INPP5A: variants seen among roughly 807,000 people sequenced by gnomAD.
The protein encoded by INPP5A is inositol polyphosphate-5-phosphatase A.
Under a neutral mutation model 65.2 loss-of-function variants are expected in INPP5A, and 14 were observed. The observed-to-expected ratio is 0.21, with a 90% confidence interval of 0.14 to 0.34. INPP5A has a LOEUF of 0.34. INPP5A is among the 10% of genes least tolerant of loss of function. The probability of loss-of-function intolerance (pLI) is 1.00; values close to 1 mark genes in which losing one functional copy is unlikely to be tolerated. For synonymous variants in INPP5A, 207 were observed against 208.3 expected (o/e 0.99, Z 0.05); for missense variants, 431 against 545.6 (o/e 0.79, Z 2.09).
At chr10:132,691,457 G>A (rs909803899) in intron 5 of INPP5A, among the ~76,000 whole-genome samples, 1 of 152,260 alleles carries the variant, frequency 6.6e-6, no homozygotes, top group Non-Finnish European at 1.5e-5. Flanking sequence ...TGGAGAGAGC[G>A]CGCCGACGCA....
intron 8 of INPP5A, among the ~76,000 whole-genome samples, chr10:132,722,904 GT>G (rs983673638): frequency 1.3e-5 from 2 of 151,310 alleles, no homozygotes; most frequent in Admixed American, 6.6e-5. Flanking sequence ...TAGAACAACT[GT>G]TTTTTTTTCT....
intron 8 of INPP5A, among the ~76,000 whole-genome samples, chr10:132,721,163 C>T (rs575906938): frequency 8.2e-4 from 122 of 149,274 alleles, no homozygotes; most frequent in African/African-American, 2.8e-3. Context: ...GCGCCATAGA[C>T]GGCTGTCTTC....
At chr10:132,770,360 G>A (rs566902596) in intron 12 of INPP5A, among the ~76,000 whole-genome samples, 53 of 152,374 alleles carry the variant, frequency 3.5e-4, no homozygotes, top group Non-Finnish European at 5.0e-4. Context: ...GTTTCCTCGC[G>A]GAGGCCGTGG....
chr10:132,757,954 C>T (rs75052143), intron 11 of INPP5A, among the ~76,000 whole-genome samples: 1 of 145,940 alleles, frequency 6.9e-6, no homozygotes, highest in Admixed American at 6.8e-5. Context: ...AGCACCATGG[C>T]GTGGGTGCCC....
intron 4 of INPP5A, among the ~76,000 whole-genome samples, chr10:132,655,966 T>A (rs547152614): frequency 7.2e-5 from 11 of 152,344 alleles, no homozygotes; most frequent in Admixed American, 7.2e-4. Flanking sequence ...ATGGGTCCCA[T>A]GCAGACTGGT....
At chr10:132,613,784 A>G (rs1388309420) in intron 2 of INPP5A, among the ~76,000 whole-genome samples, 1 of 152,216 alleles carries the variant, frequency 6.6e-6, no homozygotes, top group African/African-American at 2.4e-5. Context: ...TGGATCAGAC[A>G]CCTGGTGGTC....
chr10:132,729,088 G>A (rs1295166906), intron 9 of INPP5A, among the ~76,000 whole-genome samples: 1 of 151,666 alleles, frequency 6.6e-6, no homozygotes, highest in African/African-American at 2.4e-5. Flanking sequence ...GGCGTGGGGG[G>A]CCTGGACGCT....
chr10:132,738,698 G>A (rs111879526), intron 9 of INPP5A, among the ~76,000 whole-genome samples: 7 of 152,238 alleles, frequency 4.6e-5, no homozygotes, highest in Non-Finnish European at 7.3e-5. Context: ...GCTGGAGTCC[G>A]GGAGCAACCT....
intron 2 of INPP5A, among the ~76,000 whole-genome samples, chr10:132,638,338 C>T (rs945389288): frequency 2.0e-5 from 3 of 152,168 alleles, no homozygotes; most frequent in African/African-American, 7.2e-5. Flanking sequence ...GGATGCTCTT[C>T]CAGAATCTTC....
At position 132,696,415 on chromosome 10, in the gene INPP5A, C is replaced by T. The variant is rs546289544; in HGVS notation, c.371-1401C>T. 2.1e-4 allele frequency among the ~76,000 whole-genome samples: 32 copies of T among 152,320 alleles called. No individual in the cohort carries two copies. The East Asian group carries it at 6.2e-3, about 29-fold the overall frequency. ...GAGCCTGCACTTCCTGACTTCAAGA[C>T]TTGCTGTTCTGCCTTGTGGGTGAAT... is the stretch of plus-strand genomic sequence containing the variant. On this transcript the variant is annotated intron_variant, in intron 5 of 15. Transcript: ENST00000368594.
At chr10:132,778,310 T>A (rs1447538661) in intron 13 of INPP5A, among the ~76,000 whole-genome samples, 1 of 137,716 alleles carries the variant, frequency 7.3e-6, no homozygotes, top group Non-Finnish European at 1.6e-5. Context: ...TAATTTTTTT[T>A]TTTTTTTTTT....
chr10:132,749,735 G>A lies in INPP5A; in HGVS notation c.829-36G>A, dbSNP rs766528692. ...CTAGGGGACACGCACAAGGCTGGGG[G>A]AGCTCAGGTGCTCATGGGCCACTCT... On this transcript the variant is annotated intron_variant, in intron 10 of 15. Coordinates refer to ENST00000368594, the MANE Select transcript of INPP5A (RefSeq NM_005539.5). 43 of 1,605,210 alleles carry A rather than the reference G, an allele frequency of 2.7e-5. 1 individual carries two copies. The South Asian group carries it at 4.4e-4, about 16-fold the overall frequency.
Position 132,765,882 on chromosome 10 carries a change from G to A in INPP5A, c.977+36G>A, listed in dbSNP as rs201252590. 4,125 of 1,339,476 alleles carry A rather than the reference G, an allele frequency of 3.1e-3. 8 individuals carry two copies. Among genetic ancestry groups the A allele is most frequent in the Non-Finnish European group, 3.7e-3 (3,452 of 929,400 alleles). The allele number at this position is 1,339,476 out of a possible 1,614,324, so 83.0% of individuals were successfully genotyped here. A position where few individuals can be genotyped will look rare whatever the true frequency, so the allele number is the denominator to read the frequency against. On this transcript the variant is annotated intron_variant, in intron 12 of 15. Transcript: ENST00000368594. ...TGCTGTTTGCTGGATGAACCCGGCC[G>A]GGAAGGTGGCGTCTCCACCCTCCCA...
chr10:132,710,538 G>T, intron 8 of INPP5A, 82 bp downstream of exon 8: 1 of 1,541,990 alleles, frequency 6.5e-7, no homozygotes, highest in Non-Finnish European at 8.8e-7. Flanking sequence ...GGTAGGTGTG[G>T]GCGGACAAGT....
chr10:132,731,390 C>T (rs555565303), intron 9 of INPP5A, among the ~76,000 whole-genome samples: 3 of 152,040 alleles, frequency 2.0e-5, no homozygotes, highest in African/African-American at 2.4e-5. Flanking sequence ...CTGTATCAGA[C>T]GCCCCTGGAA....
chr10:132,765,167 G>A (rs985948342), intron 11 of INPP5A, among the ~76,000 whole-genome samples: 12 of 150,002 alleles, frequency 8.0e-5, no homozygotes, highest in African/African-American at 2.2e-4. Flanking sequence ...TGTGGTGACC[G>A]CTCAGAAACA....
rs866092657 is a variant in INPP5A, at chr10:132,557,722, C to T, written c.75+19551C>T. Among the ~76,000 whole-genome samples, 16 of 152,112 alleles carry T rather than the reference C, an allele frequency of 1.1e-4. No homozygotes were observed. The East Asian group carries it at 2.1e-3, about 20-fold the overall frequency. On this transcript the variant is annotated intron_variant, in intron 1 of 15. Coordinates refer to ENST00000368594, the MANE Select transcript of INPP5A (RefSeq NM_005539.5). ...GACCATATTTGGGTTAAAAGGGGCC[C>T]GAGTGTCTCGGGCTGCAGGGAGGTG...
chr10:132,638,260 C>T (rs2072382391), intron 2 of INPP5A, among the ~76,000 whole-genome samples: 1 of 152,186 alleles, frequency 6.6e-6, no homozygotes. Flanking sequence ...CTAGGCTGGG[C>T]CTCCCACTTT....
rs776327668 is a variant in INPP5A at position 132,546,234 on chromosome 10, G to A, written c.75+8063G>A. ...TCTAGGGTGATGGCGCTCCCAGCCCGCGGGGGTCTTGGCGTTGGCGCAGAA... is the reference window on the plus strand; with the variant it reads ...TCTAGGGTGATGGCGCTCCCAGCCCACGGGGGTCTTGGCGTTGGCGCAGAA... On this transcript the variant is annotated intron_variant, in intron 1 of 15. Transcript: ENST00000368594. The surrounding 1 kb of genome is among the most constrained non-coding windows in gnomAD (Gnocchi z 5.7). Among the ~76,000 whole-genome samples, 2 of 152,256 alleles carry A rather than the reference G, an allele frequency of 1.3e-5. No homozygotes were observed. The highest frequency in any genetic ancestry group is 2.9e-5 in the Non-Finnish European group (2 of 68,042).
Sources: allele counts gnomAD v4.1 joint callset (sites outside exome capture counted in the v4.1 genomes callset), GRCh38; gene constraint gnomAD v4.1.1; non-coding constraint Gnocchi (gnomAD v3.1); transcripts MANE v1.5; gene names NCBI Gene and HGNC (gene_info 2026-07-23, HGNC 2026-07-21).